CNTRL: variants seen among roughly 807,000 people sequenced by gnomAD.
The protein encoded by CNTRL is centriolin.
CNTRL carries 233 observed loss-of-function variants against 303.7 expected under a neutral mutation model. That is an observed-to-expected ratio of 0.77 (90% CI 0.69 to 0.86). The LOEUF is 0.86. Among genes scored for constraint, CNTRL ranks in the 40% least tolerant of loss-of-function variants. CNTRL has a pLI of 0.00. For synonymous variants in CNTRL, 900 were observed against 922.2 expected (o/e 0.98, Z 0.44); for missense variants, 2,524 against 2,650.6 (o/e 0.95, Z 1.05).
chr9:121,112,256 CATG>C lies in CNTRL; in HGVS notation c.1003-200_1003-198del, dbSNP rs2049780428. 2.0e-5 allele frequency among the ~76,000 whole-genome samples: 3 copies of C among 152,230 alleles called. 1 individual carries two copies. The highest frequency in any genetic ancestry group is 2.0e-4 in the Admixed American group (3 of 15,282). ...GCAGATAAACTTCAAAGGTCTTTTA[CATG>C]ATCTCTGATGAAATAATAATTTTGT... is the stretch of plus-strand genomic sequence containing the variant. On this transcript the variant is annotated intron_variant, in intron 8 of 43. Transcript: ENST00000373855.
At position 121,135,926 on chromosome 9, in the gene CNTRL, G is replaced by A; in HGVS notation, c.2146G>A (p.Asp716Asn). ...AELEARLNLR[D>N]AEANQLKEEL... ...GCTAGAGGCTCGGCTAAACCTAAGGGATGCTGAAGCCAACCAGCTCAAGGA... is the reference window on the plus strand; with the variant it reads ...GCTAGAGGCTCGGCTAAACCTAAGGAATGCTGAAGCCAACCAGCTCAAGGA... Residue 716 changes from aspartate (D) to asparagine (N), a missense_variant, in exon 15 of 44, where the codon GAT becomes AAT. Transcript: ENST00000373855. The A allele has an allele frequency of 1.2e-6, 2 of 1,613,718 alleles. No individual in the cohort carries two copies. Among genetic ancestry groups the A allele is most frequent in the South Asian group, 2.2e-5 (2 of 91,058 alleles).
chr9:121,086,259 G>A (rs990927947), intron 2 of CNTRL, among the ~76,000 whole-genome samples: 5 of 152,166 alleles, frequency 3.3e-5, no homozygotes, highest in African/African-American at 9.7e-5. Context: ...ACAGGCTCTC[G>A]TGGAGCATAC....
At chr9:121,146,281 T>A in intron 23 of CNTRL, 25 bp downstream of exon 23, 1 of 1,586,360 alleles carries the variant, frequency 6.3e-7, no homozygotes, top group Non-Finnish European at 8.5e-7. Context: ...GTGTTGGGAA[T>A]GTATACTGAA....
At chr9:121,157,325 C>A in intron 27 of CNTRL, 145 bp from the exon 28 acceptor site, 1 of 703,012 alleles carries the variant, frequency 1.4e-6, no homozygotes, top group Non-Finnish European at 2.2e-6. Context: ...GAATTATTTA[C>A]CGAGAATTAG....
intron 42 of CNTRL, among the ~76,000 whole-genome samples, chr9:121,174,169 GAAGGAT>G: frequency 6.6e-6 from 1 of 152,172 alleles, no homozygotes; most frequent in Non-Finnish European, 1.5e-5. Flanking sequence ...GATATCCAGG[GAAGGAT>G]ATCTGTCTGT....
intron 3 of CNTRL, among the ~76,000 whole-genome samples, chr9:121,089,217 A>G (rs1387999527): frequency 6.6e-6 from 1 of 152,232 alleles, no homozygotes; most frequent in Non-Finnish European, 1.5e-5. Flanking sequence ...TTCTAATTTG[A>G]TTAATATTTT....
chr9:121,142,625 C>T lies in CNTRL; in HGVS notation c.2871+355C>T, dbSNP rs2051583110. On this transcript the variant is annotated intron_variant, in intron 19 of 43. Transcript: ENST00000373855. ...AACTCCTCATCATCCTTTCTAATAC[C>T]CCTGCCTCTCTTTAATGGCTTTTCT... Among the ~76,000 whole-genome samples, 3 of 152,094 alleles carry T rather than the reference C, an allele frequency of 2.0e-5. No individual in the cohort carries two copies. The South Asian group carries it at 6.2e-4, about 32-fold the overall frequency.
chr9:121,075,059 T>C lies in CNTRL; in HGVS notation c.-213T>C, dbSNP rs2131873436. 1 of 420,602 alleles carries C rather than the reference T, an allele frequency of 2.4e-6. No individual in the cohort carries two copies. Among genetic ancestry groups the C allele is most frequent in the African/African-American group, 2.0e-5 (1 of 49,372 alleles). The allele number at this position is 420,602 out of a possible 1,614,324, so 26.1% of individuals were successfully genotyped here. On this transcript the variant is annotated 5_prime_UTR_variant, in exon 1 of 44. Transcript: ENST00000373855. ...AGCCTGCGGGACTGCTCGGCTCGGC[T>C]TCTAGGCGGTGAGCGTCAGACCTGG...
At chr9:121,142,371 C>T in intron 19 of CNTRL, 101 bp downstream of exon 19, 1 of 1,020,144 alleles carries the variant, frequency 9.8e-7, no homozygotes, top group Non-Finnish European at 1.4e-6. Flanking sequence ...GTAGTCACCT[C>T]TGGCTGCATT....
chr9:121,090,380 C>A lies in CNTRL; in HGVS notation c.323C>A (p.Ser108Tyr), dbSNP rs1198668962. ...ALIKSLNLSL[S>Y]KDGGKKFKYI... Reference sequence around the variant, plus strand: ...ATAAAATCTCTGAACCTTTCACTTTCTAAAGACGGTGGCAAGAAATTTAAG... The same window carrying A: ...ATAAAATCTCTGAACCTTTCACTTTATAAAGACGGTGGCAAGAAATTTAAG... The change falls in exon 4 of 44, where the codon TCT (serine) becomes TAT (tyrosine). Residue 108 changes from serine to tyrosine, a missense_variant. Ser to Tyr is a moderately radical substitution (Grantham distance 144). Coordinates refer to ENST00000373855, the MANE Select transcript of CNTRL (RefSeq NM_007018.6). 1 of 1,611,218 alleles carries A rather than the reference C, an allele frequency of 6.2e-7. No individual in the cohort carries two copies. The highest frequency in any genetic ancestry group is 2.2e-5 in the East Asian group (1 of 44,684).
In CNTRL at chr9:121,075,048, C is replaced by A; in HGVS notation, c.-224C>A. ...CGCTCTACCTCAGCCTGCGGGACTGCTCGGCTCGGCTTCTAGGCGGTGAGC... is the reference window on the plus strand; with the variant it reads ...CGCTCTACCTCAGCCTGCGGGACTGATCGGCTCGGCTTCTAGGCGGTGAGC... On this transcript the variant is annotated 5_prime_UTR_variant, in exon 1 of 44. Coordinates refer to ENST00000373855, the MANE Select transcript of CNTRL (RefSeq NM_007018.6). 2.3e-6 allele frequency: 1 copy of A among 432,162 alleles called. No homozygotes were observed. The highest frequency in any genetic ancestry group is 4.7e-6 in the Non-Finnish European group (1 of 211,642). The allele number at this position is 432,162 out of a possible 1,614,324, so 26.8% of individuals were successfully genotyped here.
At chr9:121,098,342 T>C (rs1267932305) in intron 6 of CNTRL, 44 bp from the exon 7 acceptor site, 1 of 1,381,620 alleles carries the variant, frequency 7.2e-7, no homozygotes, top group South Asian at 1.3e-5. Context: ...TATGTTATGA[T>C]TTTTAAATTA....
chr9:121,161,169 C>T lies in CNTRL; in HGVS notation c.5090-687C>T, dbSNP rs2052835816. 11 of 394,388 alleles carry T rather than the reference C, an allele frequency of 2.8e-5. 1 individual carries two copies. The South Asian group carries it at 1.0e-3, about 37-fold the overall frequency. The allele number at this position is 394,388 out of a possible 1,614,324, so 24.4% of individuals were successfully genotyped here. On this transcript the variant is annotated intron_variant, in intron 32 of 43. Transcript: ENST00000373855. Reference sequence around the variant, plus strand: ...GTGCGCGCGTGCTCACGCGCACACACATGCATTCTTAGAAGGAAATACATC... The same window carrying T: ...GTGCGCGCGTGCTCACGCGCACACATATGCATTCTTAGAAGGAAATACATC...
Position 121,166,112 on chromosome 9 carries a change from C to A in CNTRL, c.5587C>A (p.Arg1863=). 1 of 1,609,498 alleles carries A rather than the reference C, an allele frequency of 6.2e-7. No homozygotes were observed. Among genetic ancestry groups the A allele is most frequent in the Non-Finnish European group, 8.5e-7 (1 of 1,177,622 alleles). Residue 1863 remains arginine (R), a synonymous_variant, in exon 36 of 44, where the codon CGA becomes AGA. Coordinates refer to ENST00000373855, the MANE Select transcript of CNTRL (RefSeq NM_007018.6). ...SAMQQQLQEK[R]EAVNSLQEEL... ...TGAGAATGTCATTTCTTTAGAAAAA[C>A]GAGAAGCAGTAAACTCACTGCAGGA...
Position 121,094,955 on chromosome 9 carries a change from AGATTG to A in CNTRL, c.417_421del (p.Ile140LysfsTer10). The A allele has an allele frequency of 1.9e-6, 3 of 1,603,436 alleles. No homozygotes were observed. Among genetic ancestry groups the A allele is most frequent in the Non-Finnish European group, 2.6e-6 (3 of 1,172,356 alleles). ...AATCTCAGCTATAATCTAATAGGGA[AGATTG>A]AAAAGTTGGACAAGCTGTTAAAATT... On this transcript the variant is annotated frameshift_variant, in exon 5 of 44. Transcript: ENST00000373855. LOFTEE classifies it high-confidence loss of function.
chr9:121,148,258 T>A (rs1431132334), intron 23 of CNTRL, among the ~76,000 whole-genome samples: 1 of 152,080 alleles, frequency 6.6e-6, no homozygotes, highest in Non-Finnish European at 1.5e-5. Context: ...GACTTGTGAG[T>A]TCTAGAAAAT....
chr9:121,111,406 A>C (rs1340682902), intron 8 of CNTRL: 7 of 152,176 alleles, frequency 4.6e-5, no homozygotes. Flanking sequence ...AATGTTACCC[A>C]TTATCTAGGC....
intron 2 of CNTRL, among the ~76,000 whole-genome samples, chr9:121,087,863 G>C (rs1056996011): frequency 6.6e-6 from 1 of 152,074 alleles, no homozygotes; most frequent in Non-Finnish European, 1.5e-5. Context: ...CCATGGAGTG[G>C]CCAGGGAGGC....
At chr9:121,081,482 G>C (rs2048138679) in intron 2 of CNTRL, among the ~76,000 whole-genome samples, 1 of 152,154 alleles carries the variant, frequency 6.6e-6, no homozygotes, top group Non-Finnish European at 1.5e-5. Context: ...ACCAACTTCA[G>C]ATGCCCATTA....
Sources: allele counts gnomAD v4.1 joint callset (sites outside exome capture counted in the v4.1 genomes callset), GRCh38; gene constraint gnomAD v4.1.1; transcripts MANE v1.5; gene names NCBI Gene and HGNC (gene_info 2026-07-23, HGNC 2026-07-21).